Variants in SLC24A2 observed in about 807,000 individuals in gnomAD.
The protein encoded by SLC24A2 is solute carrier family 24 member 2, also known as sodium/potassium/calcium exchanger 2.
Under a neutral mutation model 62.0 loss-of-function variants are expected in SLC24A2, and 36 were observed. The ratio of observed to expected loss-of-function variants is 0.58; its 90% CI spans 0.44 to 0.77. SLC24A2 has a LOEUF of 0.77. SLC24A2 is among the 30% of genes least tolerant of loss of function. The probability of loss-of-function intolerance (pLI) is 0.00; values close to 1 mark genes in which losing one functional copy is unlikely to be tolerated. For synonymous variants in SLC24A2, 358 were observed against 294.0 expected, an observed-to-expected ratio of 1.22 and a Z score of -2.23; for missense variants, 846 against 817.9, an observed-to-expected ratio of 1.03 and a Z score of -0.42.
At chr9:19,913,004 C>T in the SLC24A2 span, among the ~76,000 whole-genome samples, 1 of 152,134 alleles carries the variant, frequency 6.6e-6, no homozygotes, top group African/African-American at 2.4e-5. Flanking sequence ...AAGCCTATGA[C>T]TCAGGTCTCC....
In SLC24A2 at chr9:19,554,795, A is replaced by T. The variant is rs376559533; in HGVS notation, c.1348-4527T>A. Among the ~76,000 whole-genome samples the T allele has an allele frequency of 7.9e-5, 12 of 152,258 alleles. No homozygotes were observed. The South Asian group carries it at 1.9e-3, about 24-fold the overall frequency. ...GGGCCATGGGGTGGAGGAACAATAT[A>T]TGAGGCTCTGAGTTTCTGACACCCA... is the stretch of plus-strand genomic sequence containing the variant. On this transcript the variant is annotated intron_variant, in intron 7 of 10. Coordinates refer to ENST00000341998, the MANE Select transcript of SLC24A2 (RefSeq NM_020344.4).
the SLC24A2 span, among the ~76,000 whole-genome samples, chr9:20,158,673 T>C: frequency 6.6e-6 from 1 of 151,234 alleles, no homozygotes; most frequent in Non-Finnish European, 1.5e-5. Flanking sequence ...GGTAGGGAAA[T>C]AACTGAAAGA....
intron 8 of SLC24A2, among the ~76,000 whole-genome samples, chr9:19,529,258 G>A (rs1023337666): frequency 2.6e-5 from 4 of 152,122 alleles, no homozygotes; most frequent in Admixed American, 2.6e-4. Context: ...TTGTCCGAAA[G>A]GCTGACCTTG....
the SLC24A2 span, among the ~76,000 whole-genome samples, chr9:19,965,263 A>C: frequency 6.6e-6 from 1 of 152,120 alleles, no homozygotes; most frequent in South Asian, 2.1e-4. Flanking sequence ...AGCACTGGCC[A>C]ATCAGAACAA....
intron 2 of SLC24A2, among the ~76,000 whole-genome samples, chr9:19,693,930 G>T (rs781481205): frequency 3.2e-4 from 48 of 151,944 alleles, no homozygotes; most frequent in Admixed American, 6.6e-4. Flanking sequence ...CTAAAAAACA[G>T]ATAGGTTGGG....
intron 8 of SLC24A2, among the ~76,000 whole-genome samples, chr9:19,533,333 G>A (rs929536597): frequency 3.9e-5 from 6 of 152,128 alleles, no homozygotes; most frequent in Non-Finnish European, 4.4e-5. Context: ...TTTCTCAAGA[G>A]GTCCCTGTGG....
the SLC24A2 span, among the ~76,000 whole-genome samples, chr9:20,276,684 G>A: frequency 1.6e-4 from 25 of 152,194 alleles, no homozygotes; most frequent in Non-Finnish European, 2.6e-4. Flanking sequence ...CTCCATGAGG[G>A]CTCTGCCCCT....
the SLC24A2 span, among the ~76,000 whole-genome samples, chr9:20,115,299 T>A: frequency 2.6e-5 from 4 of 152,150 alleles, no homozygotes; most frequent in Admixed American, 2.6e-4. Context: ...TCTTTGGTGA[T>A]GAATCTTCCC....
chr9:19,711,629 T>C (rs544125882), intron 2 of SLC24A2, among the ~76,000 whole-genome samples: 13 of 152,320 alleles, frequency 8.5e-5, no homozygotes, highest in African/African-American at 2.9e-4. Flanking sequence ...GAAGAACACA[T>C]CCAACTAACA....
chr9:19,512,894 G>A lies in SLC24A2; in HGVS notation c.*3259C>T, dbSNP rs1188978508. On this transcript the variant is annotated 3_prime_UTR_variant, in exon 11 of 11. Transcript: ENST00000341998. ...ATCAGCATTAGGGATATGGCTGACCGATTTCCTTAAGGCTATAAATTGATA... is the reference window on the plus strand; with the variant it reads ...ATCAGCATTAGGGATATGGCTGACCAATTTCCTTAAGGCTATAAATTGATA... The A allele has an allele frequency of 1.3e-5, 2 of 151,892 alleles. No individual in the cohort carries two copies. Among genetic ancestry groups the A allele is most frequent in the African/African-American group, 4.8e-5 (2 of 41,338 alleles). 9.4% of individuals were successfully genotyped at this position (151,892 alleles called of 1,614,324 possible). A position where few individuals can be genotyped will look rare whatever the true frequency, so the allele number is the denominator to read the frequency against.
chr9:20,037,979 T>G, the SLC24A2 span, among the ~76,000 whole-genome samples: 1 of 152,198 alleles, frequency 6.6e-6, no homozygotes, highest in African/African-American at 2.4e-5. Context: ...TTCAAAAGTT[T>G]TGATCAAAAA....
At chr9:19,931,093 C>A in the SLC24A2 span, among the ~76,000 whole-genome samples, 3 of 152,036 alleles carry the variant, frequency 2.0e-5, no homozygotes, top group African/African-American at 7.2e-5. Context: ...GGGTAGGAAG[C>A]AAAACCTCAT....
At chr9:19,826,459 A>G in the SLC24A2 span, among the ~76,000 whole-genome samples, 1 of 152,156 alleles carries the variant, frequency 6.6e-6, no homozygotes, top group Non-Finnish European at 1.5e-5. Context: ...TGCTGCCACA[A>G]AAAAATACCC....
At chr9:19,911,370 A>G in the SLC24A2 span, among the ~76,000 whole-genome samples, 2 of 152,158 alleles carry the variant, frequency 1.3e-5, no homozygotes, top group African/African-American at 4.8e-5. Context: ...TAGTGCCGCA[A>G]TAAACATACG....
Position 19,520,912 on chromosome 9 carries a change from A to T in SLC24A2, c.1718T>A (p.Ile573Asn). 1 of 1,613,950 alleles carries T rather than the reference A, an allele frequency of 6.2e-7. No homozygotes were observed. The highest frequency in any genetic ancestry group is 1.1e-5 in the South Asian group (1 of 91,076). The change falls in exon 10 of 11, where the codon ATT becomes AAT. Residue 573 changes from isoleucine (I) to asparagine (N), a missense_variant. Physicochemically the swap from Ile to Asn is moderately radical, Grantham distance 149. Transcript: ENST00000341998. ...TACTCACCCTACAGTGATGTCAAAA[A>T]TGTTGCTTCCAACAGAGCTGGACAC... ...MAVSSSVGSN[I>N]FDITVGLPLP...
At chr9:19,596,827 A>T (rs572676364) in intron 5 of SLC24A2, among the ~76,000 whole-genome samples, 1 of 152,216 alleles carries the variant, frequency 6.6e-6, no homozygotes, top group African/African-American at 2.4e-5. Context: ...ATTCCTTTGC[A>T]TAAATCAGAA....
At chr9:20,243,730 A>G in the SLC24A2 span, among the ~76,000 whole-genome samples, 2 of 152,178 alleles carry the variant, frequency 1.3e-5, no homozygotes, top group Non-Finnish European at 2.9e-5. Context: ...AGCAGAGCAA[A>G]TGAGATGTGG....
upstream of SLC24A2, among the ~76,000 whole-genome samples, chr9:19,792,831 T>G (rs1347725203): frequency 3.3e-5 from 5 of 152,202 alleles, no homozygotes; most frequent in Non-Finnish European, 7.3e-5. Flanking sequence ...ATATACAACC[T>G]TTTTTCTGAC....
At chr9:19,564,000 C>T (rs1024465202) in intron 7 of SLC24A2, among the ~76,000 whole-genome samples, 3 of 151,842 alleles carry the variant, frequency 2.0e-5, no homozygotes, top group African/African-American at 7.3e-5. Flanking sequence ...ACCACAGGTG[C>T]ACACCACCAT....
Sources: gnomAD v4.1 joint callset for allele counts (sites outside exome capture counted in the v4.1 genomes callset) on GRCh38, gnomAD v4.1.1 for gene constraint, MANE v1.5 for transcripts, NCBI Gene and HGNC (gene_info 2026-07-23, HGNC 2026-07-21) for gene names.